The following SHANK2 variants were observed in gnomAD, a reference collection of about 807,000 sequenced individuals.
The protein encoded by SHANK2 is SH3 and multiple ankyrin repeat domains 2, also known as SH3 and multiple ankyrin repeat domains protein 2.
Under a neutral mutation model 133.7 loss-of-function variants are expected in SHANK2, and 43 were observed. The observed-to-expected ratio is 0.32, with a 90% CI of 0.25 to 0.41. The LOEUF (loss-of-function observed/expected upper bound fraction) is 0.41. Among genes scored for constraint, SHANK2 ranks in the 10% least tolerant of loss-of-function variants. The pLI, the probability that SHANK2 is intolerant of heterozygous loss-of-function variation, is 1.00. For missense variants in SHANK2, 1,994 were observed against 2,235.8 expected, an observed-to-expected ratio of 0.89 and a Z score of 2.18; for synonymous variants, 1,017 against 952.8, an observed-to-expected ratio of 1.07 and a Z score of -1.24.
At chr11:70,829,458 G>A (rs1001758943) in intron 11 of SHANK2, among the ~76,000 whole-genome samples, 13 of 152,266 alleles carry the variant, frequency 8.5e-5, no homozygotes, top group Non-Finnish European at 1.5e-4. Context: ...ACAAGGCCCC[G>A]TCACCAGGAA....
At chr11:70,587,184 G>T (rs568876670) in intron 17 of SHANK2, among the ~76,000 whole-genome samples, 1 of 152,192 alleles carries the variant, frequency 6.6e-6, no homozygotes, top group Non-Finnish European at 1.5e-5. Context: ...ACGGCGAGCT[G>T]GGCCGGGCTT....
intron 11 of SHANK2, among the ~76,000 whole-genome samples, chr11:70,861,265 G>T (rs1949254283): frequency 6.6e-6 from 1 of 152,190 alleles, no homozygotes; most frequent in South Asian, 2.1e-4. Flanking sequence ...CCTAGTAATG[G>T]TTTTGCTCCT....
chr11:71,128,739 C>G (rs1590939164), intron 3 of SHANK2, among the ~76,000 whole-genome samples: 1 of 152,216 alleles, frequency 6.6e-6, no homozygotes, highest in Non-Finnish European at 1.5e-5. Context: ...ACTGCAACGT[C>G]CAGCCAGTTA....
intron 17 of SHANK2, among the ~76,000 whole-genome samples, chr11:70,646,718 T>C (rs1386687427): frequency 2.6e-5 from 4 of 152,198 alleles, no homozygotes; most frequent in Non-Finnish European, 5.9e-5. Context: ...CCAGTCCTTG[T>C]TGGAAAGATT....
At chr11:71,084,809 C>T (rs1220919944) in intron 8 of SHANK2, among the ~76,000 whole-genome samples, 2 of 152,176 alleles carry the variant, frequency 1.3e-5, no homozygotes, top group Non-Finnish European at 2.9e-5. Context: ...CTGCTTGCTC[C>T]GTGGCCTTGG....
intron 10 of SHANK2, among the ~76,000 whole-genome samples, chr11:70,903,561 A>C (rs186972654): frequency 6.6e-6 from 1 of 152,290 alleles, no homozygotes; most frequent in Non-Finnish European, 1.5e-5. Flanking sequence ...GACTCGATCC[A>C]TCACACTCAT....
chr11:70,769,348 C>T (rs782582132), intron 14 of SHANK2, among the ~76,000 whole-genome samples: 20 of 152,284 alleles, frequency 1.3e-4, no homozygotes, highest in East Asian at 1.2e-3. Flanking sequence ...ATAAATGATG[C>T]GGTCACCCTG....
intron 6 of SHANK2, among the ~76,000 whole-genome samples, chr11:71,103,092 C>T (rs1951743593): frequency 6.6e-6 from 1 of 152,242 alleles, no homozygotes; most frequent in Admixed American, 6.5e-5. Flanking sequence ...AGGAGCCCAT[C>T]ACCTGCTGAA....
intron 10 of SHANK2, among the ~76,000 whole-genome samples, chr11:70,948,096 C>A (rs7117797): frequency 2.0e-5 from 3 of 151,772 alleles, no homozygotes; most frequent in Admixed American, 2.0e-4. Context: ...TTCCCTCTGA[C>A]ATCCTGAGGG....
intron 14 of SHANK2, among the ~76,000 whole-genome samples, chr11:70,717,501 G>A (rs964831620): frequency 4.6e-5 from 7 of 152,074 alleles, no homozygotes; most frequent in Admixed American, 3.3e-4. Context: ...GCCTCGGGGC[G>A]CCCAGCAAGC....
chr11:70,715,783 C>T (rs564097741), intron 14 of SHANK2, among the ~76,000 whole-genome samples: 245 of 152,332 alleles, frequency 1.6e-3, no homozygotes, highest in Non-Finnish European at 3.1e-3. Flanking sequence ...GGCTCTCTCT[C>T]CTCTATCTGT....
chr11:71,147,095 C>G, intron 3 of SHANK2, 25 bp downstream of exon 3: 15 of 1,532,156 alleles, frequency 9.8e-6, no homozygotes, highest in Non-Finnish European at 1.3e-5. Flanking sequence ...CAGATGTGAA[C>G]CAAAGGGCAG....
rs147613975 is a variant in SHANK2 at position 70,854,061 on chromosome 11, C to T, written c.1175-33379G>A. ...GAAATTGAGGGGACATTATTTGACC[C>T]AGAAGAAAGACCCTGCAGTGTTAAC... is the stretch of plus-strand genomic sequence containing the variant. On this transcript the variant is annotated intron_variant, in intron 11 of 25. Transcript: ENST00000601538. Among the ~76,000 whole-genome samples the T allele has an allele frequency of 5.0e-3, 757 of 152,236 alleles. 8 individuals are homozygous for T. Among genetic ancestry groups the T allele is most frequent in the South Asian group, 8.9e-3 (43 of 4,816 alleles).
At chr11:70,674,619 G>T (rs1944875373) in intron 15 of SHANK2, among the ~76,000 whole-genome samples, 1 of 152,254 alleles carries the variant, frequency 6.6e-6, no homozygotes, top group South Asian at 2.1e-4. Flanking sequence ...AAAGTGTTGG[G>T]ATTAGAGGCG....
intron 2 of SHANK2, among the ~76,000 whole-genome samples, chr11:71,182,590 G>T (rs1364717044): frequency 6.6e-6 from 1 of 152,086 alleles, no homozygotes; most frequent in Non-Finnish European, 1.5e-5. Context: ...TTCCCTCCAT[G>T]TCTGTGTCTG....
At position 70,662,506 on chromosome 11, in the gene SHANK2, C is replaced by G. The variant is rs539134711; in HGVS notation, c.1854-828G>C. ...TGCAGCCTTGGAAGGTGGCCGGTGGCCGGTCGGGGAGGGGTGGGGGCTCCC... is the reference window on the plus strand; with the variant it reads ...TGCAGCCTTGGAAGGTGGCCGGTGGGCGGTCGGGGAGGGGTGGGGGCTCCC... On this transcript the variant is annotated intron_variant, in intron 15 of 25. Coordinates refer to ENST00000601538, the MANE Select transcript of SHANK2 (RefSeq NM_012309.5). Among the ~76,000 whole-genome samples the G allele has an allele frequency of 3.9e-5, 6 of 152,216 alleles. No homozygotes were observed. In the East Asian group the frequency reaches 1.2e-3, roughly 30 times the overall value.
intron 2 of SHANK2, among the ~76,000 whole-genome samples, chr11:71,167,999 C>T (rs1555111430): frequency 8.2e-6 from 1 of 122,544 alleles, no homozygotes; most frequent in East Asian, 2.1e-4. Flanking sequence ...GGGGTGGCTG[C>T]TGGGCGGAGG....
In SHANK2 at chr11:71,073,163, TTC is replaced by T. The variant is rs1381445526; in HGVS notation, c.1029+1994_1029+1995del. Among the ~76,000 whole-genome samples the T allele has an allele frequency of 5.7e-3, 233 of 40,996 alleles. 43 individuals carry two copies. Among genetic ancestry groups the T allele is most frequent in the Middle Eastern group, 0.013 (1 of 80 alleles). 26.9% of individuals were successfully genotyped at this position (40,996 alleles called of 152,430 possible). Reference sequence around the variant, plus strand: ...TTTTCTTTTCTTTTTTTTCTTTTTTTTCTTTTTTTTTTTGAGATAGAGTCTTG... The same window carrying T: ...TTTTCTTTTCTTTTTTTTCTTTTTTTTTTTTTTTTTTGAGATAGAGTCTTG... On this transcript the variant is annotated intron_variant, in intron 9 of 25. Coordinates refer to ENST00000601538, the MANE Select transcript of SHANK2 (RefSeq NM_012309.5).
At chr11:71,073,135 TCTTTTTCTTTTC>T (rs1951164689) in intron 9 of SHANK2, among the ~76,000 whole-genome samples, 21 of 136,762 alleles carry the variant, frequency 1.5e-4, no homozygotes, top group African/African-American at 5.4e-4. Flanking sequence ...TTGTTTTTTT[TCTTTTTCTTTTC>T]TTTTTTTTCT....
Sources: allele counts gnomAD v4.1 joint callset (sites outside exome capture counted in the v4.1 genomes callset), GRCh38; gene constraint gnomAD v4.1.1; transcripts MANE v1.5; gene names NCBI Gene and HGNC (gene_info 2026-07-23, HGNC 2026-07-21).